Variants in PLOD2 observed in about 807,000 individuals in gnomAD.
PLOD2 encodes procollagen-lysine,2-oxoglutarate 5-dioxygenase 2, also known as lysine hydroxylase 2.
Under a neutral mutation model 101.0 loss-of-function variants are expected in PLOD2, and 65 were observed. The observed-to-expected ratio is 0.64, with a 90% CI of 0.53 to 0.79. PLOD2 has a LOEUF of 0.79. PLOD2 is among the 30% of genes least tolerant of loss of function. The pLI, the probability that PLOD2 is intolerant of heterozygous loss-of-function variation, is 0.00. For synonymous variants in PLOD2, 314 were observed against 302.9 expected (o/e 1.04, Z -0.38); for missense variants, 909 against 914.6 (o/e 0.99, Z 0.08).
rs569494463 is a variant in PLOD2, at chr3:146,116,904, C to T, written c.338+4208G>A. 2.0e-4 allele frequency among the ~76,000 whole-genome samples: 31 copies of T among 152,162 alleles called. No homozygotes were observed. The South Asian group carries it at 2.3e-3, about 11-fold the overall frequency. ...TAAAGAGCCAGTTTCTAATTTTAAA[C>T]GTTCATCCAAAAGTAAGTTTAGAAT... On this transcript the variant is annotated intron_variant, in intron 3 of 19. Transcript: ENST00000282903.
At chr3:146,144,661 T>G (rs934209021) in intron 1 of PLOD2, among the ~76,000 whole-genome samples, 10 of 152,104 alleles carry the variant, frequency 6.6e-5, no homozygotes, top group African/African-American at 2.4e-4. Context: ...GTTATAAAAC[T>G]TATGGTATAA....
intron 7 of PLOD2, among the ~76,000 whole-genome samples, chr3:146,093,901 T>C (rs1054931516): frequency 6.6e-6 from 1 of 152,182 alleles, no homozygotes. Flanking sequence ...GCTTTTTATC[T>C]CAATTTGTTT....
At chr3:146,084,137 A>T (rs1222827836) in intron 11 of PLOD2, among the ~76,000 whole-genome samples, 1 of 152,160 alleles carries the variant, frequency 6.6e-6, no homozygotes, top group African/African-American at 2.4e-5. Flanking sequence ...AAGAGTTACA[A>T]ATCATACACT....
intron 1 of PLOD2, among the ~76,000 whole-genome samples, chr3:146,138,245 T>C (rs2052204502): frequency 6.6e-6 from 1 of 151,898 alleles, no homozygotes; most frequent in South Asian, 2.1e-4. Flanking sequence ...GCCTACTATG[T>C]GCCACTGTTC....
chr3:146,097,826 A>AT (rs34940478), intron 7 of PLOD2, among the ~76,000 whole-genome samples: 51,770 of 143,028 alleles, frequency 0.36, 9,588 homozygotes, highest in East Asian at 0.53. Context: ...AATAATAATA[A>AT]AAAAAGAAAA....
At chr3:146,072,417 T>A in intron 17 of PLOD2, 144 bp downstream of exon 17, 1 of 665,372 alleles carries the variant, frequency 1.5e-6, no homozygotes, top group South Asian at 1.7e-5. Context: ...AGAAGTAGAC[T>A]GAAATCAGAG....
At chr3:146,111,773 C>G (rs976188361) in intron 3 of PLOD2, among the ~76,000 whole-genome samples, 1 of 151,050 alleles carries the variant, frequency 6.6e-6, no homozygotes, top group African/African-American at 2.4e-5. Context: ...TGTACTTTTT[C>G]TGCTAAGTAC....
At chr3:146,103,740 T>G (rs767271850) in intron 6 of PLOD2, among the ~76,000 whole-genome samples, 12 of 152,032 alleles carry the variant, frequency 7.9e-5, no homozygotes, top group Non-Finnish European at 1.5e-4. Context: ...ATTTTAAATT[T>G]TACTGTATTG....
At chr3:146,157,824 C>T (rs1333946652) in intron 1 of PLOD2, among the ~76,000 whole-genome samples, 1 of 152,218 alleles carries the variant, frequency 6.6e-6, no homozygotes, top group Admixed American at 6.5e-5. Flanking sequence ...GAGGACAAGA[C>T]CCTCTCTCTT....
In PLOD2 at chr3:146,161,070, G is replaced by A. The variant is rs886058065; in HGVS notation, c.-81C>T. On this transcript the variant is annotated 5_prime_UTR_variant, in exon 1 of 20. Coordinates refer to ENST00000282903, the MANE Select transcript of PLOD2 (RefSeq NM_182943.3). ...CTTCTCGCGAGAACGCAGAGACCCG[G>A]GTCCGCCCTGAGCCGCCGATTGCGG... 536 of 1,046,676 alleles carry A rather than the reference G, an allele frequency of 5.1e-4. 1 individual carries two copies. Among genetic ancestry groups the A allele is most frequent in the Non-Finnish European group, 5.9e-4 (417 of 706,192 alleles). The allele number at this position is 1,046,676 out of a possible 1,614,324, so 64.8% of individuals were successfully genotyped here.
At chr3:146,126,359 A>T (rs903055415) in intron 1 of PLOD2, among the ~76,000 whole-genome samples, 8 of 151,976 alleles carry the variant, frequency 5.3e-5, no homozygotes, top group African/African-American at 1.7e-4. Flanking sequence ...TGGAGAAAAA[A>T]AATAGTGTTG....
At position 146,079,198 on chromosome 3, in the gene PLOD2, C is replaced by T. The variant is rs533478450; in HGVS notation, c.1418G>A (p.Arg473Gln). The change falls in exon 13 of 20, where the codon CGA (arginine) becomes CAA (glutamine). Residue 473 changes from arginine to glutamine, a missense_variant. Transcript: ENST00000282903. ...ATAGTTCCTTTCATTCATCTCTGAT[C>T]GGAGTGTCTTTCCTTTAATTAAGTA... The part of the protein sequence containing the change: ...NVYLIKGKTL[R>Q]SEMNERNYFV... 88 of 1,610,502 alleles carry T rather than the reference C, an allele frequency of 5.5e-5. No homozygotes were observed. Among genetic ancestry groups the T allele is most frequent in the Middle Eastern group, 1.7e-4 (1 of 6,056 alleles).
chr3:146,148,828 G>A (rs2031920020), intron 1 of PLOD2, among the ~76,000 whole-genome samples: 1 of 152,076 alleles, frequency 6.6e-6, no homozygotes, highest in Non-Finnish European at 1.5e-5. Context: ...AACAAATTCA[G>A]CACTATACAC....
intron 1 of PLOD2, among the ~76,000 whole-genome samples, chr3:146,160,271 G>C (rs1229051133): frequency 1.3e-5 from 2 of 152,320 alleles, no homozygotes; most frequent in African/African-American, 4.8e-5. Flanking sequence ...CTCAAGAAAA[G>C]GGTAGGTAAG....
chr3:146,118,724 G>A (rs1938038116), intron 3 of PLOD2, among the ~76,000 whole-genome samples: 1 of 151,682 alleles, frequency 6.6e-6, no homozygotes, highest in South Asian at 2.1e-4. Context: ...TTAGGAGAGT[G>A]AAATATTACA....
At chr3:146,081,236 A>G (rs1398815655) in intron 12 of PLOD2, among the ~76,000 whole-genome samples, 1 of 152,148 alleles carries the variant, frequency 6.6e-6, no homozygotes, top group Non-Finnish European at 1.5e-5. Flanking sequence ...TCTAGAAGTG[A>G]AAATCTAATA....
Position 146,086,822 on chromosome 3 carries a change from T to A in PLOD2, c.1092A>T (p.Glu364Asp). The change falls in exon 10 of 20, where the codon GAA becomes GAT. Residue 364 changes from glutamate (E) to aspartate (D), a missense_variant. Transcript: ENST00000282903. ...IKTIKIVGPE[E>D]NLSQAEARNM... ...TTCTGGCTTCCGCTTGACTTAGATT[T>A]TCTTCTGGTCCTACTATTTTTATAG... The A allele has an allele frequency of 1.3e-6, 2 of 1,518,804 alleles. No individual in the cohort carries two copies. The highest frequency in any genetic ancestry group is 2.5e-5 in the South Asian group (2 of 78,666). 94.1% of individuals were successfully genotyped at this position (1,518,804 alleles called of 1,614,324 possible).
intron 15 of PLOD2, chr3:146,076,140 A>G (rs1936327112): frequency 1.3e-5 from 2 of 151,614 alleles, no homozygotes; most frequent in Admixed American, 6.6e-5. Context: ...TACTGTTCCT[A>G]TATTTATGTT....
Position 146,073,296 on chromosome 3 carries a change from T to G in PLOD2, c.1734A>C (p.Ile578=). Residue 578 remains isoleucine (I), a synonymous_variant, in exon 16 of 20, where the codon ATA becomes ATC. Transcript: ENST00000282903. The part of the protein sequence containing the change: ...RDYSKIFTEN[I]VEQPCPDVFW... ...AATCATTAATACAAACCTGTTCAACTATATTTTCAGTGAAAATCTTTGAAT... is the reference window on the plus strand; with the variant it reads ...AATCATTAATACAAACCTGTTCAACGATATTTTCAGTGAAAATCTTTGAAT... 2 of 1,222,840 alleles carry G rather than the reference T, an allele frequency of 1.6e-6. No individual in the cohort carries two copies. The highest frequency in any genetic ancestry group is 1.3e-5 in the South Asian group (1 of 75,080). 75.7% of individuals were successfully genotyped at this position (1,222,840 alleles called of 1,614,324 possible). A position where few individuals can be genotyped will look rare whatever the true frequency, so the allele number is the denominator to read the frequency against.
Sources: allele counts gnomAD v4.1 joint callset (sites outside exome capture counted in the v4.1 genomes callset), GRCh38; gene constraint gnomAD v4.1.1; transcripts MANE v1.5; gene names NCBI Gene and HGNC (gene_info 2026-07-23, HGNC 2026-07-21).